ADCY2: variants seen among roughly 807,000 people sequenced by gnomAD.
ADCY2 encodes the protein adenylate cyclase 2, also known as adenylate cyclase type 2.
ADCY2 carries 31 observed loss-of-function variants against 125.2 expected under a neutral mutation model. That is an observed-to-expected ratio of 0.25 (90% CI 0.19 to 0.33). The LOEUF (loss-of-function observed/expected upper bound fraction) is 0.33. Ranked by LOEUF, ADCY2 falls within the 10% of genes least tolerant of loss-of-function variation. The pLI is 1.00. For missense variants in ADCY2, 904 were observed against 1,418.2 expected (o/e 0.64, Z 5.82); for synonymous variants, 512 against 548.4 (o/e 0.93, Z 0.93).
chr5:7,607,747 T>G (rs1020928476), intron 3 of ADCY2, among the ~76,000 whole-genome samples: 2 of 152,256 alleles, frequency 1.3e-5, no homozygotes. Flanking sequence ...TGATTCATTA[T>G]AGTTGTAAGC....
rs1739870688 is a variant in ADCY2, at chr5:7,414,754, T to C, written c.392T>C (p.Val131Ala). The change falls in exon 2 of 25, where the codon GTC (valine) becomes GCC (alanine). Residue 131 changes from valine (V) to alanine (A), a missense_variant. Transcript: ENST00000338316. The stretch of plus-strand genomic sequence containing the variant: ...CTGTTCATGTGTTTTGGAGGCACCG[T>C]CTCTCCCTGGGACCAGGTAAGGTGT... Reference protein sequence around the residue: ...GYLFMCFGGTVSPWDQVSFFL... With the variant: ...GYLFMCFGGTASPWDQVSFFL... The C allele has an allele frequency of 6.2e-7, 1 of 1,611,410 alleles. No individual in the cohort carries two copies. Among genetic ancestry groups the C allele is most frequent in the East Asian group, 2.2e-5 (1 of 44,774 alleles).
At chr5:7,402,043 A>C (rs1739284550) in intron 1 of ADCY2, among the ~76,000 whole-genome samples, 1 of 152,188 alleles carries the variant, frequency 6.6e-6, no homozygotes, top group Admixed American at 6.5e-5. Context: ...ATGGCAGTCC[A>C]CCCTGAACTG....
chr5:7,528,053 G>T (rs1734532375), intron 3 of ADCY2, among the ~76,000 whole-genome samples: 1 of 152,178 alleles, frequency 6.6e-6, no homozygotes, highest in South Asian at 2.1e-4. Context: ...TGAAGCTATT[G>T]ATTGAGTAGA....
intron 2 of ADCY2, among the ~76,000 whole-genome samples, chr5:7,473,236 C>T (rs1043792164): frequency 3.3e-5 from 5 of 152,160 alleles, no homozygotes; most frequent in African/African-American, 4.8e-5. Flanking sequence ...ATTTGGCTTA[C>T]GATTCTGCTG....
intron 3 of ADCY2, among the ~76,000 whole-genome samples, chr5:7,563,947 A>G (rs1006794164): frequency 1.3e-5 from 2 of 152,190 alleles, no homozygotes; most frequent in Non-Finnish European, 2.9e-5. Flanking sequence ...CTTTTATCAT[A>G]AGTACCATCC....
In ADCY2 at chr5:7,804,040, AAG is replaced by A. The variant is rs57193249; in HGVS notation, c.2776-512_2776-511del. On this transcript the variant is annotated intron_variant, in intron 21 of 24. Transcript: ENST00000338316. The stretch of plus-strand genomic sequence containing the variant: ...TCTTAGGCCTCCCATGGAGGGGGGA[AAG>A]AGAGAGAGAGAGAGAGAGAGAGAGA... 3.7e-3 allele frequency among the ~76,000 whole-genome samples: 398 copies of A among 106,542 alleles called. 4 individuals are homozygous for A. The highest frequency in any genetic ancestry group is 6.3e-3 in the African/African-American group (170 of 26,994). The allele number at this position is 106,542 out of a possible 152,430, so 69.9% of individuals were successfully genotyped here.
intron 2 of ADCY2, among the ~76,000 whole-genome samples, chr5:7,453,994 T>A (rs1335833647): frequency 1.4e-4 from 21 of 152,212 alleles, no homozygotes; most frequent in Admixed American, 1.4e-3. Flanking sequence ...GTTTTTTCTA[T>A]CTACAGGGAG....
chr5:7,572,027 A>T (rs1337818757), intron 3 of ADCY2, among the ~76,000 whole-genome samples: 2 of 151,994 alleles, frequency 1.3e-5, no homozygotes, highest in Non-Finnish European at 2.9e-5. Context: ...CATTTTCTTT[A>T]TCCAGTCTAT....
intron 3 of ADCY2, 141 bp downstream of exon 3, chr5:7,521,040 T>A: frequency 1.0e-6 from 1 of 977,740 alleles, no homozygotes; most frequent in Non-Finnish European, 1.5e-6. Flanking sequence ...TGACCCCCTA[T>A]AACACTGAGG....
chr5:7,825,837 C>T (rs904742425), intron 24 of ADCY2, among the ~76,000 whole-genome samples: 5 of 152,196 alleles, frequency 3.3e-5, no homozygotes, highest in South Asian at 2.1e-4. Context: ...GCGCAGCACA[C>T]GCAGAAGCTC....
At chr5:7,483,637 G>T (rs984118827) in intron 2 of ADCY2, among the ~76,000 whole-genome samples, 4 of 152,174 alleles carry the variant, frequency 2.6e-5, no homozygotes, top group African/African-American at 9.7e-5. Context: ...GACATGGCAT[G>T]GGAGTGCCGG....
Position 7,707,785 on chromosome 5 carries a change from G to A in ADCY2, c.1348G>A (p.Asp450Asn). 2 of 1,614,068 alleles carry A rather than the reference G, an allele frequency of 1.2e-6. No homozygotes were observed. The highest frequency in any genetic ancestry group is 8.5e-7 in the Non-Finnish European group (1 of 1,179,996). ...KVEEGDGDIR[D>N]PYLKQHLVKT... ...GGAGGAGGGAGATGGTGACATTAGG[G>A]ACCCATATTTAAAACAGCACCTGGT... is the stretch of plus-strand genomic sequence containing the variant. Residue 450 changes from aspartate (D) to asparagine (N), a missense_variant, in exon 9 of 25, where the codon GAC becomes AAC. By Grantham distance (23) the Asp-to-Asn change is conservative (BLOSUM62 1). Around this residue, in one of 7 missense-constraint regions of ADCY2, gnomAD observed 144 missense variants for 227.7 expected, o/e 0.63. Coordinates refer to ENST00000338316, the MANE Select transcript of ADCY2 (RefSeq NM_020546.3).
At chr5:7,612,567 T>C (rs1408468550) in intron 3 of ADCY2, among the ~76,000 whole-genome samples, 2 of 152,196 alleles carry the variant, frequency 1.3e-5, no homozygotes, top group Non-Finnish European at 2.9e-5. Flanking sequence ...GGAATGCTGC[T>C]GTATTTGTCA....
chr5:7,544,791 C>T (rs1365617255), intron 3 of ADCY2, among the ~76,000 whole-genome samples: 3 of 152,118 alleles, frequency 2.0e-5, no homozygotes, highest in Admixed American at 2.0e-4. Context: ...AGAGAGTTTC[C>T]AGGGAAGTCC....
At chr5:7,561,009 A>G (rs1041786726) in intron 3 of ADCY2, among the ~76,000 whole-genome samples, 8 of 152,310 alleles carry the variant, frequency 5.3e-5, no homozygotes, top group African/African-American at 1.7e-4. Context: ...TCTTCTTAAA[A>G]ATATGTTCGT....
At position 7,418,855 on chromosome 5, in the gene ADCY2, A is replaced by G. The variant is rs137973579; in HGVS notation, c.408+4085A>G. Among the ~76,000 whole-genome samples, 48 of 151,894 alleles carry G rather than the reference A, an allele frequency of 3.2e-4. 2 individuals carry two copies. In the East Asian group the frequency reaches 9.4e-3, roughly 30 times the overall value. ...ATTTTTAATAGAGACGGGTTTCACC[A>G]TATTGGTCAGGCTGGCCTTGAACTT... On this transcript the variant is annotated intron_variant, in intron 2 of 24. Transcript: ENST00000338316.
At position 7,802,717 on chromosome 5, in the gene ADCY2, G is replaced by A. The variant is rs1744635932; in HGVS notation, c.2775+353G>A. Among the ~76,000 whole-genome samples the A allele has an allele frequency of 6.6e-6, 1 of 152,202 alleles. No individual in the cohort carries two copies. On this transcript the variant is annotated intron_variant, in intron 21 of 24. Transcript: ENST00000338316. This position sits in a 1 kb window ranked among gnomAD's most constrained non-coding sequence, Gnocchi z 4.6. The stretch of plus-strand genomic sequence containing the variant: ...TAATGAATTATAATAGACTATTGGT[G>A]TGTCTGTGCCTACTTCAATGCCTTT...
chr5:7,440,623 C>G (rs780463291), intron 2 of ADCY2, among the ~76,000 whole-genome samples: 1 of 152,106 alleles, frequency 6.6e-6, no homozygotes, highest in Non-Finnish European at 1.5e-5. Flanking sequence ...CACCATGTTG[C>G]TTTATAGGAG....
chr5:7,612,445 TGGGCAGGATA>T (rs1179751622), intron 3 of ADCY2, among the ~76,000 whole-genome samples: 1 of 151,806 alleles, frequency 6.6e-6, no homozygotes, highest in Non-Finnish European at 1.5e-5. Context: ...CATGGTGAGG[TGGGCAGGATA>T]GGGAAGGAGG....
Sources: gnomAD v4.1 joint callset for allele counts (sites outside exome capture counted in the v4.1 genomes callset) on GRCh38, gnomAD v4.1.1 for gene constraint, gnomAD v4.1.1 regional missense constraint, Gnocchi (gnomAD v3.1) non-coding constraint, MANE v1.5 for transcripts, NCBI Gene and HGNC (gene_info 2026-07-23, HGNC 2026-07-21) for gene names.